IMMP2L: variants seen among roughly 807,000 people sequenced by gnomAD.
IMMP2L encodes the protein mitochondrial inner membrane protease subunit 2.
Under a neutral mutation model 19.3 loss-of-function variants are expected in IMMP2L, and 18 were observed. The ratio of observed to expected loss-of-function variants is 0.93; its 90% CI spans 0.64 to 1.38. The LOEUF (loss-of-function observed/expected upper bound fraction) is 1.38, where lower values mean the gene tolerates loss of function less well. Among genes scored for constraint, IMMP2L ranks in the 40% most tolerant of loss-of-function variants. The pLI is 0.00. For synonymous variants in IMMP2L, 76 were observed against 73.0 expected, an observed-to-expected ratio of 1.04 and a Z score of -0.21; for missense variants, 233 against 218.2, an observed-to-expected ratio of 1.07 and a Z score of -0.43.
At chr7:110,891,389 G>A (rs562947893) in intron 4 of IMMP2L, among the ~76,000 whole-genome samples, 35 of 152,336 alleles carry the variant, frequency 2.3e-4, no homozygotes, top group African/African-American at 7.9e-4. Context: ...CACTACTTGG[G>A]TAGTCTGACA....
intron 2 of IMMP2L, among the ~76,000 whole-genome samples, chr7:111,497,826 A>G (rs1045695831): frequency 7.9e-5 from 12 of 151,892 alleles, no homozygotes; most frequent in African/African-American, 2.9e-4. Flanking sequence ...TATTAAATAA[A>G]CTAATATATA....
At chr7:110,857,482 G>A (rs954167225) in intron 5 of IMMP2L, among the ~76,000 whole-genome samples, 1 of 152,004 alleles carries the variant, frequency 6.6e-6, no homozygotes, top group African/African-American at 2.4e-5. Flanking sequence ...TATGAAAAAA[G>A]AGAGCCCAAG....
At chr7:111,266,990 T>G (rs1366235879) in intron 3 of IMMP2L, among the ~76,000 whole-genome samples, 3 of 152,194 alleles carry the variant, frequency 2.0e-5, no homozygotes, top group South Asian at 4.1e-4. Flanking sequence ...AGCTTTCCCA[T>G]GATCCAGAAA....
rs377630280 is a variant in IMMP2L, at chr7:110,803,039, A to G, written c.408+83554T>C. ...TAGAGATTATAAACACAATTACTAGAAGTCTGTCCAGATCAGCTCCATAGT... is the reference window on the plus strand; with the variant it reads ...TAGAGATTATAAACACAATTACTAGGAGTCTGTCCAGATCAGCTCCATAGT... On this transcript the variant is annotated intron_variant, in intron 5 of 5. Coordinates refer to ENST00000405709, the MANE Select transcript of IMMP2L (RefSeq NM_032549.4). This position sits in a 1 kb window ranked among gnomAD's most constrained non-coding sequence, Gnocchi z 4.2. 3.3e-5 allele frequency among the ~76,000 whole-genome samples: 5 copies of G among 152,226 alleles called. No homozygotes were observed. In the East Asian group the frequency reaches 9.7e-4, roughly 30 times the overall value.
intron 4 of IMMP2L, among the ~76,000 whole-genome samples, chr7:110,919,484 G>A (rs1054072545): frequency 6.6e-6 from 1 of 152,088 alleles, no homozygotes; most frequent in Non-Finnish European, 1.5e-5. Context: ...TTGTTTTCAG[G>A]ATCATTTACA....
chr7:110,902,350 A>C (rs1811961181), intron 4 of IMMP2L, among the ~76,000 whole-genome samples: 1 of 151,648 alleles, frequency 6.6e-6, no homozygotes, highest in Non-Finnish European at 1.5e-5. Context: ...AATTAAACCC[A>C]GATACCTAAA....
At chr7:111,389,006 A>AT in intron 3 of IMMP2L, among the ~76,000 whole-genome samples, 1 of 152,152 alleles carries the variant, frequency 6.6e-6, no homozygotes, top group African/African-American at 2.4e-5. Flanking sequence ...GCAATCTTAG[A>AT]CCCAGTAGCA....
intron 5 of IMMP2L, among the ~76,000 whole-genome samples, chr7:110,671,162 T>C (rs577381425): frequency 1.3e-5 from 2 of 152,320 alleles, no homozygotes; most frequent in East Asian, 3.9e-4. Flanking sequence ...CTTGCCCCTA[T>C]GGTAGAGTGG....
rs1005281748 is a variant in IMMP2L at position 110,948,356 on chromosome 7, G to C, written c.305+15144C>G. 3.3e-5 allele frequency among the ~76,000 whole-genome samples: 5 copies of C among 152,176 alleles called. No individual in the cohort carries two copies. The South Asian group carries it at 1.0e-3, about 32-fold the overall frequency. Reference sequence around the variant, plus strand: ...ACTCACAATGTGTTAGATAATATTTGAATATTTTCTATAACAATGAATGAA... The same window carrying C: ...ACTCACAATGTGTTAGATAATATTTCAATATTTTCTATAACAATGAATGAA... On this transcript the variant is annotated intron_variant, in intron 4 of 5. Coordinates refer to ENST00000405709, the MANE Select transcript of IMMP2L (RefSeq NM_032549.4).
chr7:111,340,259 TTC>T (rs2130780422), intron 3 of IMMP2L, among the ~76,000 whole-genome samples: 1 of 152,186 alleles, frequency 6.6e-6, no homozygotes, highest in Non-Finnish European at 1.5e-5. Flanking sequence ...ACATTTTTTG[TTC>T]TGTTACAGAC....
At chr7:111,027,014 T>C (rs758832371) in intron 3 of IMMP2L, among the ~76,000 whole-genome samples, 63 of 152,312 alleles carry the variant, frequency 4.1e-4, no homozygotes, top group Admixed American at 7.2e-4. Context: ...TTAAGTTTTC[T>C]GTCCTTGTCA....
chr7:110,852,511 A>G (rs1331424854), intron 5 of IMMP2L, among the ~76,000 whole-genome samples: 1 of 152,050 alleles, frequency 6.6e-6, no homozygotes, highest in Non-Finnish European at 1.5e-5. Context: ...TTGATCTTCT[A>G]TAGGGCTGTT....
At position 111,213,232 on chromosome 7, in the gene IMMP2L, C is replaced by T. The variant is rs530730347; in HGVS notation, c.240-249667G>A. Among the ~76,000 whole-genome samples the T allele has an allele frequency of 4.5e-4, 69 of 152,226 alleles. No homozygotes were observed. Among genetic ancestry groups the T allele is most frequent in the Non-Finnish European group, 7.5e-4 (51 of 68,042 alleles). On this transcript the variant is annotated intron_variant, in intron 3 of 5. Transcript: ENST00000405709. The surrounding 1 kb of genome is among the most constrained non-coding windows in gnomAD (Gnocchi z 4.8). ...AGTTGAGGCCTAGCCCGGGTGCTGT[C>T]ACAATCAGGCTGAGTGTGCACACAA...
chr7:110,721,140 G>A (rs2130766764), intron 5 of IMMP2L, among the ~76,000 whole-genome samples: 1 of 152,018 alleles, frequency 6.6e-6, no homozygotes, highest in Admixed American at 6.6e-5. Flanking sequence ...ATCACTGAGA[G>A]TAGCTTCGTA....
At chr7:110,926,900 C>T (rs1814917411) in intron 4 of IMMP2L, among the ~76,000 whole-genome samples, 1 of 152,126 alleles carries the variant, frequency 6.6e-6, no homozygotes, top group Non-Finnish European at 1.5e-5. Context: ...TCAGGGGACA[C>T]TGTAAATCTT....
At chr7:110,689,840 A>AT (rs932434271) in intron 5 of IMMP2L, among the ~76,000 whole-genome samples, 4 of 151,982 alleles carry the variant, frequency 2.6e-5, no homozygotes, top group Non-Finnish European at 4.4e-5. Context: ...ATTTGTACTT[A>AT]TTTTTGCCAG....
At chr7:111,126,934 T>C (rs751568243) in intron 3 of IMMP2L, among the ~76,000 whole-genome samples, 3 of 152,216 alleles carry the variant, frequency 2.0e-5, no homozygotes, top group Admixed American at 6.5e-5. Flanking sequence ...TCCAGCACTG[T>C]AGTCATATCA....
chr7:111,024,576 G>A (rs1031073419), intron 3 of IMMP2L, among the ~76,000 whole-genome samples: 1 of 152,126 alleles, frequency 6.6e-6, no homozygotes, highest in African/African-American at 2.4e-5. Flanking sequence ...GGAACATATT[G>A]ATAAAGTGCC....
At chr7:111,139,622 A>G (rs1802679504) in intron 3 of IMMP2L, among the ~76,000 whole-genome samples, 1 of 152,154 alleles carries the variant, frequency 6.6e-6, no homozygotes, top group African/African-American at 2.4e-5. Flanking sequence ...CTGATATGCA[A>G]GTTAATCATC....
Sources: allele counts gnomAD v4.1 joint callset (sites outside exome capture counted in the v4.1 genomes callset), GRCh38; gene constraint gnomAD v4.1.1; non-coding constraint Gnocchi (gnomAD v3.1); transcripts MANE v1.5; gene names NCBI Gene and HGNC (gene_info 2026-07-23, HGNC 2026-07-21).